The following TMEM50A variants were observed in gnomAD, a reference collection of about 807,000 sequenced individuals.
TMEM50A encodes the protein cervical cancer oncogene 9.
A neutral mutation model predicts 23.9 loss-of-function variants in TMEM50A; 8 were observed. The observed-to-expected ratio is 0.33, with a 90% CI of 0.20 to 0.60. The LOEUF is 0.60. TMEM50A is among the 20% of genes least tolerant of loss of function. The probability of loss-of-function intolerance (pLI) is 0.81; values close to 1 mark genes in which losing one functional copy is unlikely to be tolerated. For synonymous variants in TMEM50A, 55 were observed against 60.4 expected (o/e 0.91, Z 0.41); for missense variants, 178 against 192.7 (o/e 0.92, Z 0.45).
intron 5 of TMEM50A, among the ~76,000 whole-genome samples, chr1:25,355,074 C>A (rs3093625): frequency 0.089 from 13,531 of 152,082 alleles, 1,904 homozygotes; most frequent in African/African-American, 0.3. Flanking sequence ...GCCCAGCCAT[C>A]TATATATTTT....
At chr1:25,350,761 A>C (rs2124251647) in intron 3 of TMEM50A, among the ~76,000 whole-genome samples, 1 of 152,330 alleles carries the variant, frequency 6.6e-6, no homozygotes, top group East Asian at 1.9e-4. Context: ...CCCCATGCCC[A>C]GAGTGTCTGC....
rs141589649 is a variant in TMEM50A at position 25,347,714 on chromosome 1, A to T, written c.207-3912A>T. Among the ~76,000 whole-genome samples the T allele has an allele frequency of 5.3e-3, 813 of 152,374 alleles. 7 individuals are homozygous for T. The highest frequency in any genetic ancestry group is 0.019 in the African/African-American group (777 of 41,584). On this transcript the variant is annotated intron_variant, in intron 3 of 6. Transcript: ENST00000374358. ...GGCAGCCAGTTTGACTGTGCCTGGC[A>T]TGGAGTCAGTGCCAGAGTAGTTATT...
At chr1:25,351,387 T>C (rs1487544048) in intron 3 of TMEM50A, among the ~76,000 whole-genome samples, 1 of 152,100 alleles carries the variant, frequency 6.6e-6, no homozygotes, top group Non-Finnish European at 1.5e-5. Flanking sequence ...TGCACACCTG[T>C]AATCCCAGCT....
chr1:25,345,221 G>C (rs1041835394), intron 3 of TMEM50A, among the ~76,000 whole-genome samples: 1 of 151,764 alleles, frequency 6.6e-6, no homozygotes, highest in African/African-American at 2.4e-5. Context: ...AAGGCGGGCA[G>C]ACCACCTGAG....
chr1:25,352,935 G>A lies in TMEM50A; in HGVS notation c.328G>A (p.Ala110Thr), dbSNP rs1225982560. Residue 110 changes from alanine to threonine, a missense_variant, in exon 5 of 7, where the codon GCA (alanine) becomes ACA (threonine). By Grantham distance (58) the Ala-to-Thr change is moderately conservative. Coordinates refer to ENST00000374358, the MANE Select transcript of TMEM50A (RefSeq NM_014313.4). ...GFMLAFGSLI[A>T]SMWILFGGYV... ...CATGTTGGCCTTTGGATCTCTGATTGCATCTATGTGGATTCTTTTTGGAGG... is the reference window on the plus strand; with the variant it reads ...CATGTTGGCCTTTGGATCTCTGATTACATCTATGTGGATTCTTTTTGGAGG... The A allele has an allele frequency of 1.2e-6, 2 of 1,613,816 alleles. No individual in the cohort carries two copies. Among genetic ancestry groups the A allele is most frequent in the South Asian group, 2.2e-5 (2 of 91,004 alleles).
At chr1:25,354,734 G>A (rs930159514) in intron 5 of TMEM50A, among the ~76,000 whole-genome samples, 7 of 151,788 alleles carry the variant, frequency 4.6e-5, no homozygotes, top group Non-Finnish European at 7.4e-5. Flanking sequence ...TTTATCCCCC[G>A]TTTGCATTTC....
intron 2 of TMEM50A, 151 bp from the exon 3 acceptor site, chr1:25,342,810 C>A: frequency 4.2e-6 from 2 of 476,286 alleles, no homozygotes; most frequent in Non-Finnish European, 3.7e-6. Context: ...GGTACCTAAT[C>A]AGTTATTAGG....
intron 5 of TMEM50A, among the ~76,000 whole-genome samples, chr1:25,353,357 A>C (rs538686767): frequency 6.6e-6 from 1 of 152,158 alleles, no homozygotes; most frequent in African/African-American, 2.4e-5. Flanking sequence ...ATCATGGCCC[A>C]CTGCAGCCTC....
intron 3 of TMEM50A, among the ~76,000 whole-genome samples, chr1:25,348,504 A>G (rs1370942794): frequency 6.6e-6 from 1 of 152,000 alleles, no homozygotes; most frequent in East Asian, 1.9e-4. Context: ...GGCCAACATG[A>G]TGAAGCCCCG....
chr1:25,352,513 A>T (rs892877981), intron 4 of TMEM50A, among the ~76,000 whole-genome samples: 3 of 151,832 alleles, frequency 2.0e-5, no homozygotes, highest in Non-Finnish European at 2.9e-5. Flanking sequence ...AAAAAAAAAA[A>T]AATGTGGGAT....
intron 1 of TMEM50A, among the ~76,000 whole-genome samples, chr1:25,339,195 G>T (rs1045870411): frequency 2.6e-5 from 4 of 152,208 alleles, no homozygotes; most frequent in Non-Finnish European, 5.9e-5. Flanking sequence ...AGGAGTTTGG[G>T]TGTTGTTATT....
intron 6 of TMEM50A, among the ~76,000 whole-genome samples, chr1:25,359,507 TA>T (rs60020744): frequency 0.017 from 2,472 of 146,698 alleles, 74 homozygotes; most frequent in African/African-American, 0.057. Context: ...TGATGAGCTT[TA>T]AAAAAAAAAA....
rs2124269404 is a variant in TMEM50A, at chr1:25,360,675, G to A, written c.444G>A (p.Lys148=). 2 of 1,614,066 alleles carry A rather than the reference G, an allele frequency of 1.2e-6. No individual in the cohort carries two copies. Among genetic ancestry groups the A allele is most frequent in the African/African-American group, 2.7e-5 (2 of 75,036 alleles). The part of the protein sequence containing the change: ...AFIFFGGLVF[K]FGRTEDLWQ ...TTATTCACAGAGGGCTGGTTTTTAA[G>A]TTTGGCCGCACTGAAGACTTATGGC... Residue 148 remains lysine, a synonymous_variant, in exon 7 of 7, where the codon AAG becomes AAA. Transcript: ENST00000374358.
At chr1:25,352,778 G>A in intron 4 of TMEM50A, 104 bp from the exon 5 acceptor site, 2 of 940,250 alleles carry the variant, frequency 2.1e-6, no homozygotes, top group Non-Finnish European at 1.6e-6. Context: ...GACTTTAATG[G>A]CAGTTGCACT....
rs117797719 is a variant in TMEM50A at position 25,352,424 on chromosome 1, G to A, written c.275-458G>A. Among the ~76,000 whole-genome samples, 505 of 151,552 alleles carry A rather than the reference G, an allele frequency of 3.3e-3. 17 individuals carry two copies. In the East Asian group the frequency reaches 0.062, roughly 19 times the overall value. On this transcript the variant is annotated intron_variant, in intron 4 of 6. Coordinates refer to ENST00000374358, the MANE Select transcript of TMEM50A (RefSeq NM_014313.4). ...GCAGGGGAATGGCATGAACCTGGGC[G>A]GGTGGAGCTTGCAGTGAGCCGAGAT...
Position 25,361,494 on chromosome 1 carries a change from C to G in TMEM50A, c.*789C>G, listed in dbSNP as rs1467974723. 2 of 152,246 alleles carry G rather than the reference C, an allele frequency of 1.3e-5. No homozygotes were observed. Among genetic ancestry groups the G allele is most frequent in the Admixed American group, 6.5e-5 (1 of 15,276 alleles). The allele number at this position is 152,246 out of a possible 1,614,324, so 9.4% of individuals were successfully genotyped here. ...TCTTTGTAGTTGTTCTGATAATAAA[C>G]TGGGTTCCATGTTGCATTTCATCTG... On this transcript the variant is annotated 3_prime_UTR_variant, in exon 7 of 7. Coordinates refer to ENST00000374358, the MANE Select transcript of TMEM50A (RefSeq NM_014313.4).
rs1283847548 is a variant in TMEM50A at position 25,353,090 on chromosome 1, A to G, written c.367+116A>G. The G allele has an allele frequency of 1.4e-5, 11 of 795,642 alleles. No homozygotes were observed. The African/African-American group carries it at 1.8e-4, about 13-fold the overall frequency. 49.3% of individuals were successfully genotyped at this position (795,642 alleles called of 1,614,324 possible). A position where few individuals can be genotyped will look rare whatever the true frequency, so the allele number is the denominator to read the frequency against. On this transcript the variant is annotated intron_variant, in intron 5 of 6. Transcript: ENST00000374358. Reference sequence around the variant, plus strand: ...TAGTTGGGCCAACTACTAGCGATGCATTTATATCCGGGACCCCCCACCCTC... The same window carrying G: ...TAGTTGGGCCAACTACTAGCGATGCGTTTATATCCGGGACCCCCCACCCTC...
chr1:25,340,247 T>G (rs574730909), intron 1 of TMEM50A, among the ~76,000 whole-genome samples: 7 of 152,276 alleles, frequency 4.6e-5, no homozygotes, highest in African/African-American at 1.7e-4. Flanking sequence ...CCAAACCATT[T>G]TTTACATTAA....
At chr1:25,343,314 G>T (rs1372306160) in intron 3 of TMEM50A, among the ~76,000 whole-genome samples, 1 of 152,038 alleles carries the variant, frequency 6.6e-6, no homozygotes, top group Non-Finnish European at 1.5e-5. Flanking sequence ...TACCCCCAGG[G>T]TTTATAGCTT....
Sources: gnomAD v4.1 joint callset for allele counts (sites outside exome capture counted in the v4.1 genomes callset) on GRCh38, gnomAD v4.1.1 for gene constraint, MANE v1.5 for transcripts, NCBI Gene and HGNC (gene_info 2026-07-23, HGNC 2026-07-21) for gene names.